The following MYO1D variants were observed in gnomAD, a reference collection of about 807,000 sequenced individuals.
The protein encoded by MYO1D is myosin ID, also known as unconventional myosin-Id.
Under a neutral mutation model 122.0 loss-of-function variants are expected in MYO1D, and 83 were observed. The ratio of observed to expected loss-of-function variants is 0.68; its 90% CI spans 0.57 to 0.82. The LOEUF (loss-of-function observed/expected upper bound fraction) is 0.82. Ranked by LOEUF, MYO1D falls within the 40% of genes least tolerant of loss-of-function variation. MYO1D has a pLI of 0.00. For missense variants in MYO1D, 1,157 were observed against 1,269.5 expected (o/e 0.91, Z 1.35); for synonymous variants, 464 against 446.9 (o/e 1.04, Z -0.48).
intron 21 of MYO1D, among the ~76,000 whole-genome samples, chr17:32,566,875 C>T (rs1001530414): frequency 9.4e-6 from 1 of 106,502 alleles, no homozygotes; most frequent in Non-Finnish European, 2.0e-5. Context: ...GTGTACCAAG[C>T]CTCTGAGACA....
intron 21 of MYO1D, among the ~76,000 whole-genome samples, chr17:32,569,799 T>C (rs1012813040): frequency 6.6e-6 from 1 of 152,144 alleles, no homozygotes; most frequent in Non-Finnish European, 1.5e-5. Context: ...TTAGCACGTA[T>C]AACTTGAATA....
intron 1 of MYO1D, among the ~76,000 whole-genome samples, chr17:32,784,446 C>T (rs2090271991): frequency 1.3e-5 from 2 of 148,832 alleles, no homozygotes; most frequent in Admixed American, 1.3e-4. Flanking sequence ...GCTCTGTTAC[C>T]TTTTTTTTTT....
intron 8 of MYO1D, 73 bp from the exon 9 acceptor site, chr17:32,760,700 T>C (rs2089992743): frequency 6.8e-7 from 1 of 1,463,498 alleles, no homozygotes; most frequent in Admixed American, 2.0e-5. Context: ...GTGATCAGTT[T>C]TAAATTCCTG....
At chr17:32,845,725 G>C (rs1157098280) in intron 1 of MYO1D, among the ~76,000 whole-genome samples, 1 of 152,182 alleles carries the variant, frequency 6.6e-6, no homozygotes, top group East Asian at 1.9e-4. Context: ...CACATTTTAA[G>C]GGCCCAATTG....
In MYO1D at chr17:32,755,606, C is replaced by G; in HGVS notation, c.1353G>C (p.Gly451=). 1 of 1,613,812 alleles carries G rather than the reference C, an allele frequency of 6.2e-7. No individual in the cohort carries two copies. The highest frequency in any genetic ancestry group is 1.3e-5 in the African/African-American group (1 of 75,024). The change falls in exon 11 of 22, where the codon GGG becomes GGC. Residue 451 remains glycine, a synonymous_variant. Coordinates refer to ENST00000318217, the MANE Select transcript of MYO1D (RefSeq NM_015194.3). ...IVDLVEQQHK[G]IIAILDDACM... is the part of the protein sequence containing the mutation. ...AAGCATCATCAAGGATTGCAATGAT[C>G]CCTTTGTGCTGTTGCTCCACGAGGT...
At position 32,816,574 on chromosome 17, in the gene MYO1D, T is replaced by C. The variant is rs141482728; in HGVS notation, c.96-35790A>G. On this transcript the variant is annotated intron_variant, in intron 1 of 21. Transcript: ENST00000318217. The stretch of plus-strand genomic sequence containing the variant: ...TGATTCTAAACAGTCAAGTTTGCAA[T>C]AGATTGCCATGTTTTAACAATATCT... 1.4e-4 allele frequency among the ~76,000 whole-genome samples: 22 copies of C among 152,368 alleles called. No individual in the cohort carries two copies. The East Asian group carries it at 4.0e-3, about 28-fold the overall frequency.
intron 1 of MYO1D, among the ~76,000 whole-genome samples, chr17:32,856,241 A>G (rs1365607290): frequency 6.6e-6 from 1 of 152,070 alleles, no homozygotes; most frequent in Non-Finnish European, 1.5e-5. Context: ...CATCCTCTTC[A>G]TGTCTGCTGC....
chr17:32,794,768 G>C (rs71377455), intron 1 of MYO1D, among the ~76,000 whole-genome samples: 1 of 152,168 alleles, frequency 6.6e-6, no homozygotes, highest in South Asian at 2.1e-4. Context: ...AGGAGGGCCA[G>C]AGCGCGCAAG....
intron 21 of MYO1D, among the ~76,000 whole-genome samples, chr17:32,584,365 A>C (rs548588585): frequency 6.6e-6 from 1 of 152,250 alleles, no homozygotes; most frequent in African/African-American, 2.4e-5. Flanking sequence ...CTCAAGAAAT[A>C]GATTTTTCTG....
chr17:32,580,154 AAT>A (rs1406070742), intron 21 of MYO1D, among the ~76,000 whole-genome samples: 2 of 152,146 alleles, frequency 1.3e-5, no homozygotes, highest in African/African-American at 4.8e-5. Flanking sequence ...AAAATTATGC[AAT>A]AGAGTTAAAT....
At chr17:32,854,396 A>G (rs548343285) in intron 1 of MYO1D, among the ~76,000 whole-genome samples, 1 of 152,366 alleles carries the variant, frequency 6.6e-6, no homozygotes, top group African/African-American at 2.4e-5. Flanking sequence ...CCTTCCTCCA[A>G]GAAAAGCAAA....
At chr17:32,693,130 GTAATT>G (rs1461963503) in intron 16 of MYO1D, among the ~76,000 whole-genome samples, 1 of 152,138 alleles carries the variant, frequency 6.6e-6, no homozygotes, top group Non-Finnish European at 1.5e-5. Context: ...CAGAAGTTTT[GTAATT>G]TAATTTAAGC....
intron 21 of MYO1D, among the ~76,000 whole-genome samples, chr17:32,541,838 T>C (rs1207088231): frequency 2.6e-5 from 4 of 152,154 alleles, no homozygotes; most frequent in Admixed American, 2.6e-4. Context: ...TCCAGGGTGC[T>C]TCCCCGCCCC....
At position 32,601,289 on chromosome 17, in the gene MYO1D, A is replaced by G. The variant is rs533058015; in HGVS notation, c.2864+3798T>C. On this transcript the variant is annotated intron_variant, in intron 21 of 21. Transcript: ENST00000318217. ...GATGTGTAACTCTCCCATTCACTTG[A>G]ACATTTAAAAGCCACTGTAGGGTTA... is the stretch of plus-strand genomic sequence containing the variant. 2.0e-4 allele frequency among the ~76,000 whole-genome samples: 30 copies of G among 152,232 alleles called. No individual in the cohort carries two copies. In the East Asian group the frequency reaches 2.7e-3, roughly 14 times the overall value.
intron 16 of MYO1D, among the ~76,000 whole-genome samples, chr17:32,659,712 C>T: frequency 6.6e-6 from 1 of 152,326 alleles, no homozygotes; most frequent in Middle Eastern, 3.4e-3. Context: ...CCATAAGCAT[C>T]TATAGTTTTC....
chr17:32,766,622 C>T (rs777442904), intron 7 of MYO1D, among the ~76,000 whole-genome samples: 10 of 152,010 alleles, frequency 6.6e-5, no homozygotes, highest in African/African-American at 2.4e-5. Flanking sequence ...GAAACCCCGT[C>T]TCTACTAAAA....
chr17:32,696,820 T>C (rs1375214129), intron 16 of MYO1D, among the ~76,000 whole-genome samples: 1 of 152,226 alleles, frequency 6.6e-6, no homozygotes, highest in East Asian at 1.9e-4. Flanking sequence ...AATATTTTTG[T>C]AGAAAACTTT....
chr17:32,628,040 A>G (rs935115984), intron 20 of MYO1D, among the ~76,000 whole-genome samples: 14 of 152,196 alleles, frequency 9.2e-5, no homozygotes, highest in African/African-American at 3.4e-4. Flanking sequence ...AGAGATTGTG[A>G]TCAAAGTTTT....
chr17:32,844,261 GTATATATCATATATGATA>G (rs1196243603), intron 1 of MYO1D, among the ~76,000 whole-genome samples: 1 of 145,788 alleles, frequency 6.9e-6, no homozygotes, highest in Non-Finnish European at 1.5e-5. Context: ...TATATAATAT[GTATATATCATATATGATA>G]TATATATCAT....
Sources: allele counts gnomAD v4.1 joint callset (sites outside exome capture counted in the v4.1 genomes callset), GRCh38; gene constraint gnomAD v4.1.1; transcripts MANE v1.5; gene names NCBI Gene and HGNC (gene_info 2026-07-23, HGNC 2026-07-21).